Variants in PACSIN1 observed in about 807,000 individuals in gnomAD.
PACSIN1 encodes the protein protein kinase C and casein kinase substrate in neurons 1, also known as protein kinase C and casein kinase substrate in neurons protein 1.
In PACSIN1, 15 loss-of-function variants were observed where a neutral mutation model predicts 59.5. That is an observed-to-expected ratio of 0.25 (90% CI 0.17 to 0.39). PACSIN1 has a LOEUF of 0.39. Ranked by LOEUF, PACSIN1 falls within the 10% of genes least tolerant of loss-of-function variation. The pLI, the probability that PACSIN1 is intolerant of heterozygous loss-of-function variation, is 1.00. For missense variants in PACSIN1, 420 were observed against 580.2 expected, an observed-to-expected ratio of 0.72 and a Z score of 2.84; for synonymous variants, 210 against 220.6, an observed-to-expected ratio of 0.95 and a Z score of 0.42.
In PACSIN1 at chr6:34,516,416, G is replaced by A. The variant is rs533631374; in HGVS notation, c.-63-9827G>A. 1.1e-4 allele frequency among the ~76,000 whole-genome samples: 16 copies of A among 152,308 alleles called. No homozygotes were observed. Among genetic ancestry groups the A allele is most frequent in the South Asian group, 4.1e-4 (2 of 4,828 alleles). On this transcript the variant is annotated intron_variant, in intron 1 of 9. Coordinates refer to ENST00000244458, the MANE Select transcript of PACSIN1 (RefSeq NM_020804.5). This position sits in a 1 kb window ranked among gnomAD's most constrained non-coding sequence, Gnocchi z 5.4. Reference sequence around the variant, plus strand: ...GATGGCAGAAACGGGATGCAGATTCGCCTGTGCGCACTGACACTGCCTGCC... The same window carrying A: ...GATGGCAGAAACGGGATGCAGATTCACCTGTGCGCACTGACACTGCCTGCC...
chr6:34,532,443 C>A lies in PACSIN1; in HGVS notation c.1248C>A (p.Gly416=). ...CAGGAGACGAACTCACCAAGCTGGG[C>A]GAGGAGGATGAGCAGGGCTGGTGCC... ...FKAGDELTKL[G]EEDEQGWCRG... is the part of the protein sequence containing the mutation. The change falls in exon 10 of 10, where the codon GGC becomes GGA. Residue 416 remains glycine (G), a synonymous_variant. Transcript: ENST00000244458. The surrounding 1 kb of genome is among the most constrained non-coding windows in gnomAD (Gnocchi z 5.2). 1.9e-6 allele frequency: 3 copies of A among 1,573,006 alleles called. No homozygotes were observed. The highest frequency in any genetic ancestry group is 2.6e-6 in the Non-Finnish European group (3 of 1,158,672).
In PACSIN1 at chr6:34,531,535, A is replaced by G; in HGVS notation, c.1038-65A>G. ...CGGGATCAGGGCTCTGATTAGGAGG[A>G]GCGGTTAGCCCTCGGGATGCGGTAC... On this transcript the variant is annotated intron_variant, in intron 8 of 9. Transcript: ENST00000244458. The surrounding 1 kb of genome is among the most constrained non-coding windows in gnomAD (Gnocchi z 4.4). The G allele has an allele frequency of 6.6e-7, 1 of 1,517,828 alleles. No homozygotes were observed. Among genetic ancestry groups the G allele is most frequent in the Non-Finnish European group, 9.1e-7 (1 of 1,103,302 alleles). 94.0% of individuals were successfully genotyped at this position (1,517,828 alleles called of 1,614,324 possible). A position where few individuals can be genotyped will look rare whatever the true frequency, so the allele number is the denominator to read the frequency against.
Position 34,515,918 on chromosome 6 carries a change from G to A in PACSIN1, c.-63-10325G>A, listed in dbSNP as rs1325146013. On this transcript the variant is annotated intron_variant, in intron 1 of 9. Coordinates refer to ENST00000244458, the MANE Select transcript of PACSIN1 (RefSeq NM_020804.5). This position sits in a 1 kb window ranked among gnomAD's most constrained non-coding sequence, Gnocchi z 4.4. ...AGGGGGCAGGGTGGGGTGCAGGGGA[G>A]GAGCTGGGCCCTCTGCCCCAACTCT... is the stretch of plus-strand genomic sequence containing the variant. 6.6e-6 allele frequency among the ~76,000 whole-genome samples: 1 copy of A among 152,030 alleles called. No individual in the cohort carries two copies. The highest frequency in any genetic ancestry group is 2.4e-5 in the African/African-American group (1 of 41,394).
At position 34,533,736 on chromosome 6, in the gene PACSIN1, T is replaced by A. The variant is rs1767644929; in HGVS notation, c.*1206T>A. 1.3e-5 allele frequency: 2 copies of A among 152,518 alleles called. No homozygotes were observed. Among genetic ancestry groups the A allele is most frequent in the South Asian group, 2.1e-4 (1 of 4,826 alleles). The allele number at this position is 152,518 out of a possible 1,614,324, so 9.4% of individuals were successfully genotyped here. A position where few individuals can be genotyped will look rare whatever the true frequency, so the allele number is the denominator to read the frequency against. ...CAGGAAGAAGATAGTCACATGTTTT[T>A]CTTCCTTGTCCCCACGGCCCCCAGA... On this transcript the variant is annotated 3_prime_UTR_variant, in exon 10 of 10. Transcript: ENST00000244458.
Position 34,518,239 on chromosome 6 carries a change from C to T in PACSIN1, c.-63-8004C>T, listed in dbSNP as rs1767327819. 5.9e-5 allele frequency among the ~76,000 whole-genome samples: 9 copies of T among 152,230 alleles called. No homozygotes were observed. The South Asian group carries it at 6.2e-4, about 10-fold the overall frequency. ...TGGTCAGAACTCATCCTTGAGTTCCCTGTGTTGCAAAAACGTGCTGCGCAC... is the reference window on the plus strand; with the variant it reads ...TGGTCAGAACTCATCCTTGAGTTCCTTGTGTTGCAAAAACGTGCTGCGCAC... On this transcript the variant is annotated intron_variant, in intron 1 of 9. Coordinates refer to ENST00000244458, the MANE Select transcript of PACSIN1 (RefSeq NM_020804.5). This position sits in a 1 kb window ranked among gnomAD's most constrained non-coding sequence, Gnocchi z 4.4.
chr6:34,530,116 C>A lies in PACSIN1; in HGVS notation c.789-127C>A, dbSNP rs531587298. 2 of 1,316,746 alleles carry A rather than the reference C, an allele frequency of 1.5e-6. No individual in the cohort carries two copies. Among genetic ancestry groups the A allele is most frequent in the Admixed American group, 5.5e-5 (2 of 36,496 alleles). The allele number at this position is 1,316,746 out of a possible 1,614,324, so 81.6% of individuals were successfully genotyped here. A position where few individuals can be genotyped will look rare whatever the true frequency, so the allele number is the denominator to read the frequency against. ...CCGGAGCTTATTCTTGCAAAGCCCA[C>A]ATGATTCCTGGCTGGGCAGCATGCC... On this transcript the variant is annotated intron_variant, in intron 6 of 9. Coordinates refer to ENST00000244458, the MANE Select transcript of PACSIN1 (RefSeq NM_020804.5). The surrounding 1 kb of genome is among the most constrained non-coding windows in gnomAD (Gnocchi z 4.4).
chr6:34,526,255 C>G lies in PACSIN1; in HGVS notation c.-51C>G, dbSNP rs968535325. 3 of 1,502,072 alleles carry G rather than the reference C, an allele frequency of 2.0e-6. No homozygotes were observed. Among genetic ancestry groups the G allele is most frequent in the Non-Finnish European group, 1.8e-6 (2 of 1,083,744 alleles). 93.0% of individuals were successfully genotyped at this position (1,502,072 alleles called of 1,614,324 possible). A position where few individuals can be genotyped will look rare whatever the true frequency, so the allele number is the denominator to read the frequency against. ...CCTGCCCTCCCAGTGCATGAGCAGC[C>G]GAGCCTGCTAACCGCAGCTCCGCAC... On this transcript the variant is annotated 5_prime_UTR_variant, in exon 2 of 10. Transcript: ENST00000244458.
Position 34,528,775 on chromosome 6 carries a change from G to T in PACSIN1, c.354G>T (p.Lys118Asn). ...TGGAGAAGGTGAAGAACTGGCAGAA[G>T]GACGCCTATCACAAGCAGATCATGG... ...EDLEKVKNWQ[K>N]DAYHKQIMGG... Residue 118 changes from lysine to asparagine, a missense_variant, in exon 4 of 10, where the codon AAG becomes AAT. Coordinates refer to ENST00000244458, the MANE Select transcript of PACSIN1 (RefSeq NM_020804.5). 6.2e-7 allele frequency: 1 copy of T among 1,614,070 alleles called. No individual in the cohort carries two copies. Among genetic ancestry groups the T allele is most frequent in the Non-Finnish European group, 8.5e-7 (1 of 1,180,010 alleles).
In PACSIN1 at chr6:34,515,583, C is replaced by A. The variant is rs1415858614; in HGVS notation, c.-63-10660C>A. 6.6e-6 allele frequency among the ~76,000 whole-genome samples: 1 copy of A among 152,202 alleles called. No homozygotes were observed. Among genetic ancestry groups the A allele is most frequent in the Non-Finnish European group, 1.5e-5 (1 of 68,028 alleles). On this transcript the variant is annotated intron_variant, in intron 1 of 9. Coordinates refer to ENST00000244458, the MANE Select transcript of PACSIN1 (RefSeq NM_020804.5). This position sits in a 1 kb window ranked among gnomAD's most constrained non-coding sequence, Gnocchi z 4.4. Reference sequence around the variant, plus strand: ...TCTCAGGCACTGGGCTTAGAGCCCCCTGGTCAGGTCAGAGGCATCTACCTC... The same window carrying A: ...TCTCAGGCACTGGGCTTAGAGCCCCATGGTCAGGTCAGAGGCATCTACCTC...
rs149279133 is a variant in PACSIN1, at chr6:34,516,222, G to A, written c.-63-10021G>A. Among the ~76,000 whole-genome samples the A allele has an allele frequency of 8.7e-3, 1,328 of 152,292 alleles. 12 individuals carry two copies. Among genetic ancestry groups the A allele is most frequent in the African/African-American group, 0.021 (892 of 41,554 alleles). On this transcript the variant is annotated intron_variant, in intron 1 of 9. Coordinates refer to ENST00000244458, the MANE Select transcript of PACSIN1 (RefSeq NM_020804.5). The surrounding 1 kb of genome is among the most constrained non-coding windows in gnomAD (Gnocchi z 5.4). Reference sequence around the variant, plus strand: ...CATGGGCACTCGGGTCAGAGGGCCTGGTGCAGGGGCTGAGGAGGGGTCACA... The same window carrying A: ...CATGGGCACTCGGGTCAGAGGGCCTAGTGCAGGGGCTGAGGAGGGGTCACA...
chr6:34,492,816 GAGGGAAGGA>G (rs1465676256), intron 1 of PACSIN1, among the ~76,000 whole-genome samples: 2 of 152,266 alleles, frequency 1.3e-5, no homozygotes, highest in Non-Finnish European at 2.9e-5. Flanking sequence ...ACTTCTAGAG[GAGGGAAGGA>G]GGGAGCTGTG....
chr6:34,515,671 A>G lies in PACSIN1; in HGVS notation c.-63-10572A>G, dbSNP rs575870485. The stretch of plus-strand genomic sequence containing the variant: ...CCTGGAGACTTAGTGAACTGTCCCC[A>G]ATCCCAGATCTCCCAAAGGACCCCC... On this transcript the variant is annotated intron_variant, in intron 1 of 9. Transcript: ENST00000244458. The surrounding 1 kb of genome is among the most constrained non-coding windows in gnomAD (Gnocchi z 4.4). 4.6e-5 allele frequency among the ~76,000 whole-genome samples: 7 copies of G among 152,094 alleles called. No individual in the cohort carries two copies. The highest frequency in any genetic ancestry group is 1.0e-4 in the Non-Finnish European group (7 of 68,006).
chr6:34,512,190 T>C (rs1767213461), intron 1 of PACSIN1, among the ~76,000 whole-genome samples: 1 of 151,002 alleles, frequency 6.6e-6, no homozygotes, highest in African/African-American at 2.4e-5. Context: ...CAGATTAGGC[T>C]GACAGTGGGG....
At chr6:34,506,578 C>T (rs1308440100) in intron 1 of PACSIN1, among the ~76,000 whole-genome samples, 1 of 152,216 alleles carries the variant, frequency 6.6e-6, no homozygotes, top group Non-Finnish European at 1.5e-5. Flanking sequence ...GCCGGATCTT[C>T]TTGAAATCTG....
At chr6:34,523,868 G>A (rs1767439041) in intron 1 of PACSIN1, among the ~76,000 whole-genome samples, 1 of 152,172 alleles carries the variant, frequency 6.6e-6, no homozygotes, top group Non-Finnish European at 1.5e-5. Context: ...TCTTCTTCCT[G>A]AGCCCACCAC....
At chr6:34,508,101 T>TTTTGTTTG (rs928201935) in intron 1 of PACSIN1, among the ~76,000 whole-genome samples, 2 of 149,306 alleles carry the variant, frequency 1.3e-5, no homozygotes, top group Non-Finnish European at 2.9e-5. Context: ...GTAGTTCTTT[T>TTTTGTTTG]TTTGTTTGTT....
At chr6:34,512,037 G>A (rs1180043866) in intron 1 of PACSIN1, among the ~76,000 whole-genome samples, 1 of 152,080 alleles carries the variant, frequency 6.6e-6, no homozygotes, top group Admixed American at 6.5e-5. Context: ...CATGGAGTGT[G>A]TGTGTGTGTA....
intron 1 of PACSIN1, among the ~76,000 whole-genome samples, chr6:34,483,993 G>T (rs1766758274): frequency 6.6e-6 from 1 of 152,108 alleles, no homozygotes; most frequent in Non-Finnish European, 1.5e-5. Flanking sequence ...GAGGGGACTT[G>T]TCCTCCTAGT....
chr6:34,500,964 T>C (rs1767014727), intron 1 of PACSIN1, among the ~76,000 whole-genome samples: 2 of 152,232 alleles, frequency 1.3e-5, no homozygotes, highest in Non-Finnish European at 2.9e-5. Context: ...TCTTCACCCC[T>C]CTCAGACTTC....
Sources: allele counts gnomAD v4.1 joint callset (sites outside exome capture counted in the v4.1 genomes callset), GRCh38; gene constraint gnomAD v4.1.1; non-coding constraint Gnocchi (gnomAD v3.1); transcripts MANE v1.5; gene names NCBI Gene and HGNC (gene_info 2026-07-23, HGNC 2026-07-21).